POU6F2: variants seen among roughly 807,000 people sequenced by gnomAD.
The protein encoded by POU6F2 is POU class 6 homeobox 2.
POU6F2 carries 31 observed loss-of-function variants against 71.3 expected under a neutral mutation model. That is an observed-to-expected ratio of 0.43 (90% CI 0.33 to 0.59). The LOEUF is 0.59. POU6F2 is among the 20% of genes least tolerant of loss of function. The pLI, the probability that POU6F2 is intolerant of heterozygous loss-of-function variation, is 0.04. For missense variants in POU6F2, 783 were observed against 856.8 expected (o/e 0.91, Z 1.07); for synonymous variants, 347 against 355.7 (o/e 0.98, Z 0.27).
chr7:39,122,457 T>A (rs1403671737), intron 2 of POU6F2, among the ~76,000 whole-genome samples: 2 of 152,186 alleles, frequency 1.3e-5, no homozygotes, highest in Non-Finnish European at 2.9e-5. Flanking sequence ...CCAAGTAGTG[T>A]GTAAAGTATT....
chr7:39,150,865 A>G (rs1227157581), intron 2 of POU6F2, among the ~76,000 whole-genome samples: 1 of 151,854 alleles, frequency 6.6e-6, no homozygotes. Flanking sequence ...GGTTATCCTT[A>G]TGGGTATGAG....
intron 4 of POU6F2, among the ~76,000 whole-genome samples, chr7:39,329,444 A>G (rs1785589931): frequency 6.6e-6 from 1 of 152,028 alleles, no homozygotes; most frequent in Admixed American, 6.6e-5. Flanking sequence ...TACATAGTAT[A>G]AACACCTCTG....
intron 1 of POU6F2, among the ~76,000 whole-genome samples, chr7:39,079,415 G>C (rs1286768072): frequency 6.6e-6 from 1 of 151,932 alleles, no homozygotes; most frequent in Non-Finnish European, 1.5e-5. Flanking sequence ...CTGACCTTCT[G>C]ATCCGCCCGC....
intron 1 of POU6F2, among the ~76,000 whole-genome samples, chr7:39,032,127 A>G (rs1562678436): frequency 6.6e-6 from 1 of 152,190 alleles, no homozygotes; most frequent in South Asian, 2.1e-4. Context: ...TTGATACGAC[A>G]TAGACTTTCC....
chr7:39,367,190 G>A (rs1408080032), intron 5 of POU6F2, among the ~76,000 whole-genome samples: 1 of 151,848 alleles, frequency 6.6e-6, no homozygotes, highest in Non-Finnish European at 1.5e-5. Flanking sequence ...CAGTAGTTTG[G>A]GAATTATTTC....
chr7:39,109,833 G>C (rs1322580454), intron 2 of POU6F2, among the ~76,000 whole-genome samples: 1 of 152,178 alleles, frequency 6.6e-6, no homozygotes, highest in East Asian at 1.9e-4. Context: ...GTAGATCGAA[G>C]TAGCTCTTGA....
At chr7:39,129,037 C>G (rs963196229) in intron 2 of POU6F2, among the ~76,000 whole-genome samples, 1 of 152,156 alleles carries the variant, frequency 6.6e-6, no homozygotes, top group Non-Finnish European at 1.5e-5. Context: ...ATAAACATAC[C>G]TGAAATGACA....
chr7:39,282,499 G>A (rs969470392), intron 4 of POU6F2, among the ~76,000 whole-genome samples: 3 of 152,058 alleles, frequency 2.0e-5, no homozygotes, highest in Non-Finnish European at 4.4e-5. Context: ...GTTTCTGCAT[G>A]GCGATATCTA....
At chr7:39,268,063 A>C (rs138427251) in intron 4 of POU6F2, among the ~76,000 whole-genome samples, 15 of 152,250 alleles carry the variant, frequency 9.9e-5, no homozygotes, top group African/African-American at 2.9e-4. Flanking sequence ...CTAATTCCAG[A>C]GAAGCATTCG....
chr7:39,090,513 A>G (rs930024062), intron 2 of POU6F2, among the ~76,000 whole-genome samples: 7 of 152,064 alleles, frequency 4.6e-5, no homozygotes, highest in African/African-American at 1.7e-4. Context: ...TGTCTTCATT[A>G]CTTTATTTAA....
chr7:39,141,685 A>G (rs1404135390), intron 2 of POU6F2, among the ~76,000 whole-genome samples: 3 of 152,244 alleles, frequency 2.0e-5, no homozygotes, highest in Admixed American at 2.0e-4. Context: ...GTCTCAAAAT[A>G]AACTATCAAT....
chr7:39,179,269 T>A (rs1329196352), intron 2 of POU6F2, among the ~76,000 whole-genome samples: 4 of 152,334 alleles, frequency 2.6e-5, no homozygotes, highest in African/African-American at 9.6e-5. Context: ...AATGTGCATG[T>A]TGGTGCCACA....
At chr7:39,221,384 C>CTTTTTTTTTTTTTTTTTTTTTTT (rs33915153) in intron 4 of POU6F2, among the ~76,000 whole-genome samples, 1 of 86,332 alleles carries the variant, frequency 1.2e-5, no homozygotes, top group African/African-American at 4.8e-5. Flanking sequence ...CTCTCTCTCT[C>CTTTTTTTTTTTTTTTTTTTTTTT]TTTTTTTTTT....
At chr7:39,303,752 A>G (rs559837030) in intron 4 of POU6F2, among the ~76,000 whole-genome samples, 12 of 152,288 alleles carry the variant, frequency 7.9e-5, no homozygotes, top group African/African-American at 2.4e-4. Context: ...TGCAATCTAT[A>G]TATTTATAGG....
intron 3 of POU6F2, among the ~76,000 whole-genome samples, chr7:39,205,150 C>T (rs1249251080): frequency 1.3e-5 from 2 of 151,908 alleles, no homozygotes; most frequent in South Asian, 2.1e-4. Context: ...TAGTCCATCT[C>T]GGAGGACAGA....
chr7:38,987,503 A>G (rs1437822703), intron 1 of POU6F2, among the ~76,000 whole-genome samples: 2 of 152,154 alleles, frequency 1.3e-5, no homozygotes, highest in Non-Finnish European at 2.9e-5. Context: ...GAAGAAATTC[A>G]TGGTAATTAA....
chr7:39,300,642 A>G (rs1784935023), intron 4 of POU6F2, among the ~76,000 whole-genome samples: 1 of 151,918 alleles, frequency 6.6e-6, no homozygotes, highest in South Asian at 2.1e-4. Flanking sequence ...TGGAGGAAGC[A>G]TCTGTCCCAG....
intron 6 of POU6F2, among the ~76,000 whole-genome samples, chr7:39,431,085 C>T (rs988588055): frequency 3.9e-5 from 6 of 152,176 alleles, no homozygotes; most frequent in African/African-American, 1.2e-4. Flanking sequence ...CGCCTCCTGA[C>T]CTTGCCCACA....
At chr7:39,192,505 A>C (rs1293883434) in intron 2 of POU6F2, among the ~76,000 whole-genome samples, 1 of 152,212 alleles carries the variant, frequency 6.6e-6, no homozygotes, top group Non-Finnish European at 1.5e-5. Context: ...AGTGGTCAGG[A>C]AAATTGCCAT....
Sources: gnomAD v4.1 joint callset for allele counts (sites outside exome capture counted in the v4.1 genomes callset) on GRCh38, gnomAD v4.1.1 for gene constraint, MANE v1.5 for transcripts, NCBI Gene and HGNC (gene_info 2026-07-23, HGNC 2026-07-21) for gene names.